Variants in RGS9 observed in about 807,000 individuals in gnomAD.
RGS9 encodes regulator of G protein signaling 9, also known as regulator of G-protein signalling 9.
Under a neutral mutation model 102.0 loss-of-function variants are expected in RGS9, and 78 were observed. That is an observed-to-expected ratio of 0.76 (90% CI 0.64 to 0.92). The LOEUF is 0.92. RGS9 is among the 40% of genes least tolerant of loss of function. RGS9 has a pLI of 0.00. For synonymous variants in RGS9, 353 were observed against 318.6 expected, an observed-to-expected ratio of 1.11 and a Z score of -1.15; for missense variants, 833 against 866.1, an observed-to-expected ratio of 0.96 and a Z score of 0.48.
chr17:65,192,462 A>C (rs1912404378), intron 11 of RGS9, among the ~76,000 whole-genome samples: 1 of 152,044 alleles, frequency 6.6e-6, no homozygotes. Context: ...AAAGAATAAA[A>C]AAAATTAGCC....
At position 65,194,190 on chromosome 17, in the gene RGS9, A is replaced by G. The variant is rs547832156; in HGVS notation, c.860+534A>G. Among the ~76,000 whole-genome samples, 42 of 152,304 alleles carry G rather than the reference A, an allele frequency of 2.8e-4. No individual in the cohort carries two copies. In the South Asian group the frequency reaches 8.7e-3, roughly 32 times the overall value. Reference sequence around the variant, plus strand: ...CGACGAGCTTTTTTCACTTAGCATCATGTTTTCAAGGTTTACGAATCTTGT... The same window carrying G: ...CGACGAGCTTTTTTCACTTAGCATCGTGTTTTCAAGGTTTACGAATCTTGT... On this transcript the variant is annotated intron_variant, in intron 12 of 18. Transcript: ENST00000262406.
At chr17:65,190,043 T>C (rs1912304837) in intron 10 of RGS9, 132 bp from the exon 11 acceptor site, 7 of 786,548 alleles carry the variant, frequency 8.9e-6, no homozygotes, top group Admixed American at 6.8e-5. Context: ...CCACTGGTAC[T>C]GAGGGGGCTG....
At chr17:65,157,603 G>A (rs1910814789) in intron 2 of RGS9, among the ~76,000 whole-genome samples, 1 of 151,952 alleles carries the variant, frequency 6.6e-6, no homozygotes, top group Admixed American at 6.6e-5. Flanking sequence ...TCCCAAGCCA[G>A]CCCCTAAGAT....
At chr17:65,190,363 C>A in intron 11 of RGS9, 127 bp downstream of exon 11, 2 of 824,632 alleles carry the variant, frequency 2.4e-6, no homozygotes, top group South Asian at 2.7e-5. Flanking sequence ...GGGACAAAAC[C>A]AGTCTCTTGG....
intron 17 of RGS9, among the ~76,000 whole-genome samples, chr17:65,212,610 T>G (rs57088441): frequency 0.028 from 4,271 of 152,066 alleles, 208 homozygotes; most frequent in African/African-American, 0.096. Flanking sequence ...GTTTAGAGAG[T>G]GGGCAGGGGC....
Position 65,179,231 on chromosome 17 carries a change from G to A in RGS9, c.654+1428G>A, listed in dbSNP as rs917765067. Among the ~76,000 whole-genome samples the A allele has an allele frequency of 3.3e-5, 5 of 152,226 alleles. No individual in the cohort carries two copies. In the East Asian group the frequency reaches 9.7e-4, roughly 29 times the overall value. ...AAAAGGAGCCAGAAATGTTAGCAAG[G>A]CAGCTCTGGGACAGTGTTTGCTTTT... On this transcript the variant is annotated intron_variant, in intron 9 of 18. Transcript: ENST00000262406.
chr17:65,150,769 T>C (rs550922593), intron 1 of RGS9, among the ~76,000 whole-genome samples: 1 of 152,306 alleles, frequency 6.6e-6, no homozygotes, highest in East Asian at 1.9e-4. Flanking sequence ...GTCAGTTAGA[T>C]CTTTGGGCTC....
rs531257167 is a variant in RGS9, at chr17:65,192,210, A to G, written c.747-1333A>G. On this transcript the variant is annotated intron_variant, in intron 11 of 18. Transcript: ENST00000262406. ...CATTTATCATTTGTTTGTGTTGGGA[A>G]CATTCAATATCTTCTTTTCTGGCTA... 8.5e-5 allele frequency among the ~76,000 whole-genome samples: 13 copies of G among 152,346 alleles called. 2 individuals carry two copies. The East Asian group carries it at 2.5e-3, about 29-fold the overall frequency.
At chr17:65,222,577 A>G (rs996866886) in intron 17 of RGS9, among the ~76,000 whole-genome samples, 2 of 152,164 alleles carry the variant, frequency 1.3e-5, no homozygotes, top group Admixed American at 6.5e-5. Context: ...TAGATAAGCA[A>G]AGTACCTAGC....
At chr17:65,169,063 TC>T (rs1911308592) in intron 8 of RGS9, among the ~76,000 whole-genome samples, 2 of 152,324 alleles carry the variant, frequency 1.3e-5, no homozygotes, top group Non-Finnish European at 2.9e-5. Flanking sequence ...GAAATGTTCT[TC>T]CTCCTCTTCC....
chr17:65,159,845 G>GACAT (rs1910910713), intron 3 of RGS9, among the ~76,000 whole-genome samples: 1 of 152,168 alleles, frequency 6.6e-6, no homozygotes, highest in African/African-American at 2.4e-5. Context: ...CAAAGTGTCT[G>GACAT]TTGGTCCAAC....
chr17:65,161,754 C>G (rs1910996242), intron 6 of RGS9, among the ~76,000 whole-genome samples: 1 of 151,734 alleles, frequency 6.6e-6, no homozygotes, highest in South Asian at 2.1e-4. Flanking sequence ...ACGTCTTGCT[C>G]AATCACCCAG....
chr17:65,201,535 C>A (rs1479850994), intron 13 of RGS9, among the ~76,000 whole-genome samples: 1 of 152,316 alleles, frequency 6.6e-6, no homozygotes, highest in Middle Eastern at 3.4e-3. Flanking sequence ...AAAACCGTAG[C>A]GTAGCAACGC....
intron 2 of RGS9, among the ~76,000 whole-genome samples, chr17:65,156,681 C>A (rs1031678145): frequency 6.6e-6 from 1 of 152,174 alleles, no homozygotes; most frequent in Non-Finnish European, 1.5e-5. Flanking sequence ...TTTCGGGAGG[C>A]AGTCAAGTGG....
At chr17:65,141,250 A>G (rs1217961325) in intron 1 of RGS9, among the ~76,000 whole-genome samples, 2 of 152,156 alleles carry the variant, frequency 1.3e-5, no homozygotes, top group East Asian at 1.9e-4. Context: ...GGACAGATGA[A>G]CACAGGTGGG....
intron 3 of RGS9, chr17:65,158,594 TC>T: frequency 1.7e-6 from 1 of 578,454 alleles, no homozygotes; most frequent in South Asian, 1.9e-5. Flanking sequence ...GTCAAGAAAG[TC>T]CTGGAGGGGG....
chr17:65,207,230 C>G (rs1312121369), intron 15 of RGS9, among the ~76,000 whole-genome samples: 1 of 152,188 alleles, frequency 6.6e-6, no homozygotes, highest in African/African-American at 2.4e-5. Context: ...CCTGGCTGCT[C>G]ATCTTCCTTG....
chr17:65,175,603 C>T (rs942092904), intron 8 of RGS9, among the ~76,000 whole-genome samples: 1 of 152,126 alleles, frequency 6.6e-6, no homozygotes, highest in Admixed American at 6.5e-5. Context: ...CCCCAGGGCT[C>T]AGCACAATGT....
intron 1 of RGS9, among the ~76,000 whole-genome samples, chr17:65,150,527 C>A (rs960056557): frequency 2.0e-5 from 3 of 152,152 alleles, no homozygotes; most frequent in South Asian, 2.1e-4. Context: ...GAGGCTGAGG[C>A]AAGAGAATCA....
Sources: gnomAD v4.1 joint callset for allele counts (sites outside exome capture counted in the v4.1 genomes callset) on GRCh38, gnomAD v4.1.1 for gene constraint, MANE v1.5 for transcripts, NCBI Gene and HGNC (gene_info 2026-07-23, HGNC 2026-07-21) for gene names.